Variants in ANKMY2 observed in about 807,000 individuals in gnomAD.
The protein encoded by ANKMY2 is ankyrin repeat and MYND domain-containing protein 2.
ANKMY2 carries 36 observed loss-of-function variants against 50.4 expected under a neutral mutation model. That is an observed-to-expected ratio of 0.71 (90% CI 0.55 to 0.94). The LOEUF (loss-of-function observed/expected upper bound fraction) is 0.94, where lower values mean the gene tolerates loss of function less well. Among genes scored for constraint, ANKMY2 ranks in the 40% least tolerant of loss-of-function variants. ANKMY2 has a pLI of 0.00. For synonymous variants in ANKMY2, 187 were observed against 178.8 expected (o/e 1.05, Z -0.36); for missense variants, 565 against 524.0 (o/e 1.08, Z -0.76).
chr7:16,635,985 A>G (rs1385737879), intron 2 of ANKMY2, among the ~76,000 whole-genome samples: 2 of 152,144 alleles, frequency 1.3e-5, no homozygotes, highest in African/African-American at 4.8e-5. Flanking sequence ...TAATATGAGC[A>G]AAAATGCTAG....
At chr7:16,604,415 G>C (rs1240187706) in intron 8 of ANKMY2, among the ~76,000 whole-genome samples, 1 of 151,032 alleles carries the variant, frequency 6.6e-6, no homozygotes, top group African/African-American at 2.4e-5. Flanking sequence ...CCTTGGTCTC[G>C]TGCCCCACGG....
intron 4 of ANKMY2, among the ~76,000 whole-genome samples, chr7:16,619,030 C>G (rs1420943681): frequency 6.6e-6 from 1 of 152,196 alleles, no homozygotes; most frequent in East Asian, 1.9e-4. Flanking sequence ...ATAACTGTAT[C>G]TTCTCATCAG....
Position 16,600,928 on chromosome 7 carries a change from T to C in ANKMY2, c.1159A>G (p.Asn387Asp). 6.3e-7 allele frequency: 1 copy of C among 1,593,132 alleles called. No individual in the cohort carries two copies. Among genetic ancestry groups the C allele is most frequent in the Non-Finnish European group, 8.5e-7 (1 of 1,169,934 alleles). Residue 387 changes from asparagine to aspartate, a missense_variant, in exon 10 of 10, where the codon AAT becomes GAT. Physicochemically the swap from Asn to Asp is conservative, Grantham distance 23. Transcript: ENST00000306999. ...QEENHGKLDV[N>D]SNCVNEEQPE... ...TGCTCTTCATTAACACAGTTAGAAT[T>C]GACATCAAGTTTGCCGTCTGATTAA...
intron 1 of ANKMY2, among the ~76,000 whole-genome samples, chr7:16,640,686 TA>T (rs1469682637): frequency 1.3e-5 from 2 of 152,024 alleles, no homozygotes. Flanking sequence ...CGCACCCAGC[TA>T]ATTTTTACAT....
At chr7:16,645,421 G>C (rs1781821703) in intron 1 of ANKMY2, 86 bp downstream of exon 1, 2 of 1,338,370 alleles carry the variant, frequency 1.5e-6, no homozygotes, top group East Asian at 5.2e-5. Context: ...GCAGCCAAAG[G>C]TCACCCAGGC....
intron 2 of ANKMY2, among the ~76,000 whole-genome samples, chr7:16,628,898 G>T (rs550408264): frequency 7.3e-6 from 1 of 136,776 alleles, no homozygotes; most frequent in South Asian, 2.3e-4. Context: ...TACAGAACTG[G>T]CCTCTAGTTT....
chr7:16,611,570 G>T (rs1190654656), intron 5 of ANKMY2, among the ~76,000 whole-genome samples: 3 of 152,206 alleles, frequency 2.0e-5, no homozygotes, highest in African/African-American at 7.2e-5. Context: ...GAATGTGAGA[G>T]TGGCAGGAGG....
intron 1 of ANKMY2, among the ~76,000 whole-genome samples, chr7:16,637,226 G>A (rs532890940): frequency 5.9e-5 from 9 of 152,320 alleles, no homozygotes; most frequent in African/African-American, 2.2e-4. Flanking sequence ...TGTGCTGAGG[G>A]AGAAAGGCTA....
intron 2 of ANKMY2, among the ~76,000 whole-genome samples, chr7:16,629,180 C>T (rs1781544690): frequency 6.6e-6 from 1 of 152,024 alleles, no homozygotes; most frequent in Non-Finnish European, 1.5e-5. Context: ...TTCTGTTTAC[C>T]AGCTGTCACC....
intron 2 of ANKMY2, among the ~76,000 whole-genome samples, chr7:16,632,238 TTTA>T (rs150996405): frequency 0.056 from 8,482 of 152,136 alleles, 417 homozygotes; most frequent in East Asian, 0.13. Context: ...TCTTTCCTGT[TTTA>T]TTGAGATACA....
intron 6 of ANKMY2, among the ~76,000 whole-genome samples, 199 bp downstream of exon 6, chr7:16,610,350 T>C (rs1399019610): frequency 6.6e-6 from 1 of 152,146 alleles, no homozygotes; most frequent in Non-Finnish European, 1.5e-5. Flanking sequence ...AACAAAAACA[T>C]CACAGTAAAG....
At chr7:16,642,831 G>A (rs1781763581) in intron 1 of ANKMY2, among the ~76,000 whole-genome samples, 1 of 152,084 alleles carries the variant, frequency 6.6e-6, no homozygotes, top group African/African-American at 2.4e-5. Context: ...ATGTTGTTTT[G>A]CTAGAACTAA....
chr7:16,625,173 G>C (rs974970942), intron 3 of ANKMY2, 92 bp from the exon 4 acceptor site: 1 of 917,810 alleles, frequency 1.1e-6, no homozygotes, highest in African/African-American at 1.7e-5. Context: ...TATTCCCCCA[G>C]TTAGTTTTAG....
rs769639760 is a variant in ANKMY2 at position 16,636,401 on chromosome 7, C to G, written c.122G>C (p.Cys41Ser). Residue 41 changes from cysteine to serine, a missense_variant, in exon 2 of 10, where the codon TGT (cysteine) becomes TCT (serine). Coordinates refer to ENST00000306999, the MANE Select transcript of ANKMY2 (RefSeq NM_020319.3). ...CTTCTAAAATCTTACCTCGTCCAAACAGTTGACACGAACATTCTTGCTGGA... is the reference window on the plus strand; with the variant it reads ...CTTCTAAAATCTTACCTCGTCCAAAGAGTTGACACGAACATTCTTGCTGGA... ...LLSSKNVRVNCLDENGMTPLM... is the reference protein window; with the variant it reads ...LLSSKNVRVNSLDENGMTPLM... The G allele has an allele frequency of 2.7e-6, 4 of 1,488,468 alleles. No homozygotes were observed. The African/African-American group carries it at 4.6e-5, about 17-fold the overall frequency. 92.2% of individuals were successfully genotyped at this position (1,488,468 alleles called of 1,614,324 possible). A position where few individuals can be genotyped will look rare whatever the true frequency, so the allele number is the denominator to read the frequency against.
chr7:16,609,786 C>T (rs201792880), intron 6 of ANKMY2, 21 bp from the exon 7 acceptor site: 42 of 1,606,150 alleles, frequency 2.6e-5, no homozygotes, highest in East Asian at 1.4e-4. Flanking sequence ...TTTTTTAAAG[C>T]GTAATTGGAG....
At chr7:16,644,041 A>G (rs1014027393) in intron 1 of ANKMY2, among the ~76,000 whole-genome samples, 3 of 152,158 alleles carry the variant, frequency 2.0e-5, no homozygotes, top group African/African-American at 7.2e-5. Context: ...CGAGAGAGAG[A>G]GAGGACATGT....
rs1350169085 is a variant in ANKMY2 at position 16,615,824 on chromosome 7, C to T, written c.451G>A (p.Asp151Asn). 1.1e-5 allele frequency: 17 copies of T among 1,614,046 alleles called. No individual in the cohort carries two copies. The East Asian group carries it at 2.9e-4, about 27-fold the overall frequency. The change falls in exon 5 of 10, where the codon GAT becomes AAT. Residue 151 changes from aspartate (D) to asparagine (N), a missense_variant. Asp to Asn is a conservative substitution (Grantham distance 23). Coordinates refer to ENST00000306999, the MANE Select transcript of ANKMY2 (RefSeq NM_020319.3). Reference protein sequence around the residue: ...LDYYTKPQGLDKEPKLPPKLA... With the variant: ...LDYYTKPQGLNKEPKLPPKLA... ...TTTGGGGGCAGTTTTGGCTCTTTAT[C>T]CAGTCCCTGGGGCTTAGTGTAATAA...
chr7:16,616,436 A>G (rs931742527), intron 4 of ANKMY2, among the ~76,000 whole-genome samples: 1 of 150,178 alleles, frequency 6.7e-6, no homozygotes, highest in Non-Finnish European at 1.5e-5. Context: ...TTTCGCTCCC[A>G]TAAGCTTGGA....
intron 1 of ANKMY2, 52 bp from the exon 2 acceptor site, chr7:16,636,507 G>GA: frequency 1.4e-6 from 2 of 1,398,392 alleles, no homozygotes; most frequent in Non-Finnish European, 2.0e-6. Context: ...TAGAATAAGA[G>GA]AAAAATCTAA....
Sources: gnomAD v4.1 joint callset for allele counts (sites outside exome capture counted in the v4.1 genomes callset) on GRCh38, gnomAD v4.1.1 for gene constraint, MANE v1.5 for transcripts, NCBI Gene and HGNC (gene_info 2026-07-23, HGNC 2026-07-21) for gene names.